PRR16: variants seen among roughly 807,000 people sequenced by gnomAD.
The protein encoded by PRR16 is protein Largen.
Under a neutral mutation model 18.2 loss-of-function variants are expected in PRR16, and 6 were observed. The observed-to-expected ratio is 0.33, with a 90% CI of 0.18 to 0.65. The LOEUF is 0.65. PRR16 is among the 30% of genes least tolerant of loss of function. The pLI, the probability that PRR16 is intolerant of heterozygous loss-of-function variation, is 0.74. For synonymous variants in PRR16, 151 were observed against 147.8 expected (o/e 1.02, Z -0.16); for missense variants, 412 against 376.6 (o/e 1.09, Z -0.78).
chr5:120,630,835 C>T (rs1024007495), intron 1 of PRR16, among the ~76,000 whole-genome samples: 5 of 152,160 alleles, frequency 3.3e-5, no homozygotes, highest in Admixed American at 6.5e-5. Flanking sequence ...TTTGCACTAT[C>T]GTTCCTTGCC....
chr5:120,698,550 C>T, the PRR16 span, among the ~76,000 whole-genome samples: 31 of 145,194 alleles, frequency 2.1e-4, no homozygotes, highest in African/African-American at 5.2e-5. Context: ...AGTTGAGAAC[C>T]GTGAATAGGA....
chr5:120,733,192 C>T, the PRR16 span, among the ~76,000 whole-genome samples: 1 of 152,114 alleles, frequency 6.6e-6, no homozygotes, highest in East Asian at 1.9e-4. Context: ...GTCACCCAGG[C>T]TGGAGTGCAG....
At position 120,551,437 on chromosome 5, in the gene PRR16, C is replaced by G. The variant is rs191447411; in HGVS notation, c.159+86792C>G. On this transcript the variant is annotated intron_variant, in intron 1 of 1. Coordinates refer to ENST00000407149, the MANE Select transcript of PRR16 (RefSeq NM_001300783.2). The stretch of plus-strand genomic sequence containing the variant: ...AGACCGTTAGCCGGTTATATCATTT[C>G]ACTTGCCGCTTCATCGTCTATTAAA... 1.7e-3 allele frequency among the ~76,000 whole-genome samples: 264 copies of G among 152,124 alleles called. 1 individual carries two copies. Among genetic ancestry groups the G allele is most frequent in the African/African-American group, 6.0e-3 (251 of 41,548 alleles).
the PRR16 span, among the ~76,000 whole-genome samples, chr5:120,752,213 G>A: frequency 1.3e-5 from 2 of 151,934 alleles, no homozygotes; most frequent in African/African-American, 2.4e-5. Flanking sequence ...CTACTCCAGG[G>A]AAATATATTT....
chr5:120,497,611 G>C (rs1170506847), intron 1 of PRR16, among the ~76,000 whole-genome samples: 1 of 151,458 alleles, frequency 6.6e-6, no homozygotes, highest in Non-Finnish European at 1.5e-5. Flanking sequence ...GACTGGTCTC[G>C]AACTCCTGAC....
chr5:120,707,177 AG>A, the PRR16 span, among the ~76,000 whole-genome samples: 45 of 152,222 alleles, frequency 3.0e-4, no homozygotes, highest in African/African-American at 1.1e-3. Context: ...AGAAGGGCTT[AG>A]GGGGCTATGA....
chr5:120,726,913 A>C, the PRR16 span, among the ~76,000 whole-genome samples: 2 of 152,088 alleles, frequency 1.3e-5, no homozygotes, highest in Non-Finnish European at 2.9e-5. Flanking sequence ...ATAGTTTAGA[A>C]GAGTAGCAAA....
chr5:120,572,529 C>T (rs10050881), intron 1 of PRR16, among the ~76,000 whole-genome samples: 34 of 152,110 alleles, frequency 2.2e-4, no homozygotes, highest in Middle Eastern at 3.4e-3. Context: ...CCATTCCCAA[C>T]GTAGATATAC....
chr5:120,672,074 A>G (rs1580863355), intron 1 of PRR16, among the ~76,000 whole-genome samples: 1 of 152,152 alleles, frequency 6.6e-6, no homozygotes, highest in East Asian at 1.9e-4. Context: ...AAGGAGACAA[A>G]CCTTAAGGGG....
intron 1 of PRR16, among the ~76,000 whole-genome samples, chr5:120,503,632 G>A (rs1750540903): frequency 6.6e-6 from 1 of 152,090 alleles, no homozygotes; most frequent in Non-Finnish European, 1.5e-5. Flanking sequence ...CCAGCTGTTG[G>A]AGGCAGTGAT....
intron 1 of PRR16, among the ~76,000 whole-genome samples, chr5:120,598,035 G>A (rs57474094): frequency 0.026 from 3,907 of 151,890 alleles, 184 homozygotes; most frequent in African/African-American, 0.089. Context: ...AAACATACAG[G>A]ACCGTCCTGA....
At chr5:120,767,440 A>G in the PRR16 span, among the ~76,000 whole-genome samples, 1 of 151,898 alleles carries the variant, frequency 6.6e-6, no homozygotes, top group East Asian at 1.9e-4. Context: ...TACAATCACC[A>G]ATATGAGCAA....
At chr5:120,480,491 T>G (rs1013196313) in intron 1 of PRR16, among the ~76,000 whole-genome samples, 2 of 152,230 alleles carry the variant, frequency 1.3e-5, no homozygotes, top group Non-Finnish European at 2.9e-5. Context: ...ATAATGTTTT[T>G]CTTTTTGTGC....
chr5:120,586,037 G>A (rs1166471801), intron 1 of PRR16, among the ~76,000 whole-genome samples: 1 of 151,910 alleles, frequency 6.6e-6, no homozygotes, highest in Non-Finnish European at 1.5e-5. Flanking sequence ...GCTGGGCGTG[G>A]TGGCACGTGC....
chr5:120,739,563 G>A, the PRR16 span, among the ~76,000 whole-genome samples: 1 of 152,140 alleles, frequency 6.6e-6, no homozygotes, highest in African/African-American at 2.4e-5. Context: ...GAGTTAACAA[G>A]TGATACAATC....
At chr5:120,758,354 C>T in the PRR16 span, among the ~76,000 whole-genome samples, 1 of 147,562 alleles carries the variant, frequency 6.8e-6, no homozygotes, top group Non-Finnish European at 1.5e-5. Flanking sequence ...TGCATCAGCT[C>T]TTGAATTTCA....
chr5:120,528,114 T>A (rs1199760744), intron 1 of PRR16, among the ~76,000 whole-genome samples: 1 of 152,186 alleles, frequency 6.6e-6, no homozygotes, highest in Non-Finnish European at 1.5e-5. Flanking sequence ...ATGTTGAACA[T>A]CTTATGATCC....
At chr5:120,703,376 G>C in the PRR16 span, among the ~76,000 whole-genome samples, 1 of 152,228 alleles carries the variant, frequency 6.6e-6, no homozygotes. Flanking sequence ...AGTCACAGGG[G>C]ATGCGATGGC....
the PRR16 span, among the ~76,000 whole-genome samples, chr5:120,702,368 C>T: frequency 1.3e-5 from 2 of 151,634 alleles, no homozygotes; most frequent in African/African-American, 2.4e-5. Context: ...GGTACTTGCC[C>T]CTCCTGTAGA....
Sources: allele counts gnomAD v4.1 joint callset (sites outside exome capture counted in the v4.1 genomes callset), GRCh38; gene constraint gnomAD v4.1.1; transcripts MANE v1.5; gene names NCBI Gene and HGNC (gene_info 2026-07-23, HGNC 2026-07-21).